The following SEZ6L variants were observed in gnomAD, a reference collection of about 807,000 sequenced individuals.
The protein encoded by SEZ6L is seizure 6-like protein.
A neutral mutation model predicts 106.2 loss-of-function variants in SEZ6L; 37 were observed. That is an observed-to-expected ratio of 0.35 (90% CI 0.27 to 0.46). The LOEUF (loss-of-function observed/expected upper bound fraction) is 0.46. Ranked by LOEUF, SEZ6L falls within the 20% of genes least tolerant of loss-of-function variation. The pLI, the probability that SEZ6L is intolerant of heterozygous loss-of-function variation, is 1.00. For synonymous variants in SEZ6L, 541 were observed against 570.4 expected, an observed-to-expected ratio of 0.95 and a Z score of 0.73; for missense variants, 1,172 against 1,332.8, an observed-to-expected ratio of 0.88 and a Z score of 1.88.
intron 1 of SEZ6L, among the ~76,000 whole-genome samples, chr22:26,291,638 C>G (rs2081112243): frequency 6.6e-6 from 1 of 152,176 alleles, no homozygotes; most frequent in African/African-American, 2.4e-5. Context: ...CCCCCATCCC[C>G]CAAGCCCAGC....
chr22:26,170,075 A>G lies in SEZ6L; in HGVS notation c.94+312A>G, dbSNP rs146404481. 6.0e-3 allele frequency among the ~76,000 whole-genome samples: 911 copies of G among 152,098 alleles called. 3 individuals carry two copies. Among genetic ancestry groups the G allele is most frequent in the Middle Eastern group, 0.024 (7 of 294 alleles). The stretch of plus-strand genomic sequence containing the variant: ...TTCTCCTTGGAGTGGGGTCGCCTCC[A>G]AACCCCAAATTCCCGGCGCTTCTCT... On this transcript the variant is annotated intron_variant, in intron 1 of 16. Transcript: ENST00000248933.
At chr22:26,216,419 G>T (rs779240184) in intron 1 of SEZ6L, among the ~76,000 whole-genome samples, 2 of 152,156 alleles carry the variant, frequency 1.3e-5, no homozygotes, top group Admixed American at 6.5e-5. Flanking sequence ...ACTTTAGGAG[G>T]CTGAGGCGGG....
At position 26,352,681 on chromosome 22, in the gene SEZ6L, T is replaced by C. The variant is rs8135959; in HGVS notation, c.2599+1438T>C. Among the ~76,000 whole-genome samples the C allele has an allele frequency of 7.3e-3, 1,110 of 152,318 alleles. 13 individuals carry two copies. Among genetic ancestry groups the C allele is most frequent in the African/African-American group, 0.024 (1,002 of 41,566 alleles). ...GCAGGAAAGTCCTTGTCCGTTTTCA[T>C]TGGATAGGCTGATACTTACTGAGCA... On this transcript the variant is annotated intron_variant, in intron 12 of 16. Transcript: ENST00000248933.
Position 26,194,885 on chromosome 22 carries a change from C to A in SEZ6L, c.94+25122C>A, listed in dbSNP as rs545543158. 2.2e-4 allele frequency among the ~76,000 whole-genome samples: 34 copies of A among 152,320 alleles called. No homozygotes were observed. In the South Asian group the frequency reaches 6.8e-3, roughly 31 times the overall value. ...TGTTCAGCATATCCTAAGTGCCCAG[C>A]AAATGGTGTAGTTCGAATTATCTTA... On this transcript the variant is annotated intron_variant, in intron 1 of 16. Coordinates refer to ENST00000248933, the MANE Select transcript of SEZ6L (RefSeq NM_021115.5).
intron 1 of SEZ6L, among the ~76,000 whole-genome samples, chr22:26,186,355 A>G (rs1939779628): frequency 6.6e-6 from 1 of 152,252 alleles, no homozygotes; most frequent in South Asian, 2.1e-4. Flanking sequence ...TATACTTGTT[A>G]GAGCATAATA....
intron 9 of SEZ6L, among the ~76,000 whole-genome samples, chr22:26,325,245 G>C (rs2082272374): frequency 6.6e-6 from 1 of 152,204 alleles, no homozygotes; most frequent in Non-Finnish European, 1.5e-5. Context: ...CAGAGGTATG[G>C]TGTGGATACA....
At chr22:26,273,561 C>T (rs558404603) in intron 1 of SEZ6L, among the ~76,000 whole-genome samples, 2 of 152,368 alleles carry the variant, frequency 1.3e-5, no homozygotes, top group South Asian at 4.1e-4. Flanking sequence ...CTCCAGGAGG[C>T]AGACATCAAG....
At chr22:26,299,867 G>A (rs1236822683) in intron 5 of SEZ6L, among the ~76,000 whole-genome samples, 2 of 152,170 alleles carry the variant, frequency 1.3e-5, no homozygotes, top group Non-Finnish European at 2.9e-5. Flanking sequence ...GGGTCATAGG[G>A]TCATTGTATG....
chr22:26,258,271 A>G (rs55750065), intron 1 of SEZ6L, among the ~76,000 whole-genome samples: 34,349 of 151,908 alleles, frequency 0.23, 4,200 homozygotes, highest in African/African-American at 0.31. Flanking sequence ...GCACCGCACC[A>G]GGCACTGAGG....
At chr22:26,206,942 A>G (rs1941301307) in intron 1 of SEZ6L, among the ~76,000 whole-genome samples, 4 of 152,190 alleles carry the variant, frequency 2.6e-5, no homozygotes, top group African/African-American at 9.6e-5. Flanking sequence ...TCCAGGGACA[A>G]TTTATTTCTA....
At position 26,369,371 on chromosome 22, in the gene SEZ6L, G is replaced by T. The variant is rs941936417; in HGVS notation, c.2794+3805G>T. Among the ~76,000 whole-genome samples, 3 of 44,494 alleles carry T rather than the reference G, an allele frequency of 6.7e-5. 1 individual carries two copies. Among genetic ancestry groups the T allele is most frequent in the African/African-American group, 1.0e-4 (1 of 9,690 alleles). 29.2% of individuals were successfully genotyped at this position (44,494 alleles called of 152,430 possible). A position where few individuals can be genotyped will look rare whatever the true frequency, so the allele number is the denominator to read the frequency against. ...GTTTTTTTTTTTGAGACAGATTCTC[G>T]CTCTGTCCCCCAGGCTGGAGTGCAG... On this transcript the variant is annotated intron_variant, in intron 13 of 16. Coordinates refer to ENST00000248933, the MANE Select transcript of SEZ6L (RefSeq NM_021115.5).
At chr22:26,213,602 A>G (rs1170197423) in intron 1 of SEZ6L, among the ~76,000 whole-genome samples, 1 of 152,204 alleles carries the variant, frequency 6.6e-6, no homozygotes, top group Non-Finnish European at 1.5e-5. Flanking sequence ...CTTCCTTGAC[A>G]AGAAGGATTA....
At position 26,296,896 on chromosome 22, in the gene SEZ6L, T is replaced by C. The variant is rs147324317; in HGVS notation, c.978T>C (p.Ser326=). The change falls in exon 4 of 17, where the codon AGT becomes AGC. Residue 326 remains serine (S), a synonymous_variant. Coordinates refer to ENST00000248933, the MANE Select transcript of SEZ6L (RefSeq NM_021115.5). The stretch of plus-strand genomic sequence containing the variant: ...CTTCTGCCTGTTCCCAGGTGAAGAG[T>C]GTGAACCTGTCCGATGGGGAACTGC... ...TGYGVELQVK[S]VNLSDGELLS... The C allele has an allele frequency of 5.0e-6, 8 of 1,606,896 alleles. No individual in the cohort carries two copies. The African/African-American group carries it at 1.1e-4, about 22-fold the overall frequency.
intron 10 of SEZ6L, among the ~76,000 whole-genome samples, chr22:26,343,341 A>G (rs1164837269): frequency 6.8e-6 from 1 of 146,466 alleles, no homozygotes; most frequent in Non-Finnish European, 1.5e-5. Context: ...AAAAAAAAAA[A>G]ACTGACTGAC....
intron 1 of SEZ6L, among the ~76,000 whole-genome samples, chr22:26,278,883 G>C (rs1417880078): frequency 7.3e-6 from 1 of 136,992 alleles, no homozygotes. Flanking sequence ...AGAAAGAAAA[G>C]GAAGAAAGAA....
chr22:26,285,193 AG>A (rs1482161321), intron 1 of SEZ6L, among the ~76,000 whole-genome samples: 2 of 152,200 alleles, frequency 1.3e-5, no homozygotes, highest in African/African-American at 4.8e-5. Context: ...AGTGGACCAC[AG>A]GGGGCCGGCA....
At chr22:26,340,305 T>G in intron 9 of SEZ6L, 131 bp from the exon 10 acceptor site, 1 of 787,206 alleles carries the variant, frequency 1.3e-6, no homozygotes, top group East Asian at 2.5e-5. Context: ...AGCTTGGGGT[T>G]AAGACACATA....
chr22:26,256,011 A>C (rs1416494918), intron 1 of SEZ6L, among the ~76,000 whole-genome samples: 4 of 152,178 alleles, frequency 2.6e-5, no homozygotes, highest in African/African-American at 9.7e-5. Flanking sequence ...GTTCAAAGGA[A>C]GATTAGGAAG....
In SEZ6L at chr22:26,347,907, G is replaced by A. The variant is rs367783225; in HGVS notation, c.2401G>A (p.Glu801Lys). 2.8e-5 allele frequency: 44 copies of A among 1,568,140 alleles called. No individual in the cohort carries two copies. Among genetic ancestry groups the A allele is most frequent in the Non-Finnish European group, 3.4e-5 (40 of 1,164,442 alleles). ...CTGGAGCAGCGACCCCCCATTTTGT[G>A]AGAAAAGTAAGAGTGGTCTTGTTTC... ...LSWSSDPPFC[E>K]KIMYCTDPGE... The change falls in exon 11 of 17, where the codon GAG becomes AAG. Residue 801 changes from glutamate (E) to lysine (K), a missense_variant. Transcript: ENST00000248933.
Sources: allele counts gnomAD v4.1 joint callset (sites outside exome capture counted in the v4.1 genomes callset), GRCh38; gene constraint gnomAD v4.1.1; transcripts MANE v1.5; gene names NCBI Gene and HGNC (gene_info 2026-07-23, HGNC 2026-07-21).